ITFG2: variants seen among roughly 807,000 people sequenced by gnomAD.
ITFG2 encodes KICSTOR complex protein ITFG2.
Under a neutral mutation model 54.4 loss-of-function variants are expected in ITFG2, and 36 were observed. The observed-to-expected ratio is 0.66, with a 90% CI of 0.51 to 0.87. The LOEUF (loss-of-function observed/expected upper bound fraction) is 0.87, where lower values mean the gene tolerates loss of function less well. Ranked by LOEUF, ITFG2 falls within the 40% of genes least tolerant of loss-of-function variation. ITFG2 has a pLI of 0.00. For missense variants in ITFG2, 524 were observed against 576.7 expected, an observed-to-expected ratio of 0.91 and a Z score of 0.94; for synonymous variants, 211 against 225.4, an observed-to-expected ratio of 0.94 and a Z score of 0.57.
At chr12:2,818,629 C>A in intron 4 of ITFG2, 1 of 341,084 alleles carries the variant, frequency 2.9e-6, no homozygotes, top group South Asian at 3.0e-5. Context: ...CACCACTGCA[C>A]TCCACTCCAG....
chr12:2,856,925 G>A (rs1016216518), intron 2 of ITFG2: 3 of 702,912 alleles, frequency 4.3e-6, no homozygotes, highest in Admixed American at 2.0e-5. Context: ...GGTACAAAAA[G>A]GTAGGCGGCA....
intron 2 of ITFG2, among the ~76,000 whole-genome samples, chr12:2,853,180 G>A (rs771913141): frequency 2.0e-5 from 3 of 152,150 alleles, no homozygotes; most frequent in Non-Finnish European, 4.4e-5. Context: ...GCACCTATCA[G>A]CAACTGGCAA....
chr12:2,855,095 G>GA, intron 2 of ITFG2: 1 of 1,535,932 alleles, frequency 6.5e-7, no homozygotes, highest in Non-Finnish European at 8.7e-7. Flanking sequence ...ATCCAGGAGG[G>GA]AGGGGGGATG....
chr12:2,838,866 T>C (rs1487232748), intron 1 of ITFG2, among the ~76,000 whole-genome samples: 1 of 152,188 alleles, frequency 6.6e-6, no homozygotes, highest in Non-Finnish European at 1.5e-5. Context: ...TCTGCAGGAC[T>C]GTAGACACCA....
Position 2,815,039 on chromosome 12 carries a change from TC to T in ITFG2, c.97-2183del, listed in dbSNP as rs943941256. ...TCCAGGCTGGAGTGCAGTGACACAA[TC>T]TCGGCTCACTGCAACCTCTGCCTCC... On this transcript the variant is annotated intron_variant, in intron 1 of 11. Coordinates refer to ENST00000228799, the MANE Select transcript of ITFG2 (RefSeq NM_018463.4). 3.3e-5 allele frequency among the ~76,000 whole-genome samples: 5 copies of T among 151,802 alleles called. No homozygotes were observed. The East Asian group carries it at 9.7e-4, about 29-fold the overall frequency.
At chr12:2,856,354 A>G (rs1175290383) in intron 2 of ITFG2, among the ~76,000 whole-genome samples, 1 of 151,986 alleles carries the variant, frequency 6.6e-6, no homozygotes, top group Non-Finnish European at 1.5e-5. Context: ...TCGCCCTCCT[A>G]TCCATCCCCA....
chr12:2,828,472 G>C (rs2097981861), downstream of ITFG2: 2 of 1,299,408 alleles, frequency 1.5e-6, no homozygotes, highest in Non-Finnish European at 2.2e-6. Context: ...GTTGGAATTG[G>C]ATCCTTCAGT....
At chr12:2,843,372 A>G (rs1264347278) in intron 2 of ITFG2, among the ~76,000 whole-genome samples, 2 of 152,196 alleles carry the variant, frequency 1.3e-5, no homozygotes, top group African/African-American at 4.8e-5. Flanking sequence ...CTGCCAGGCA[A>G]GGACAACATT....
At chr12:2,855,515 C>T in intron 2 of ITFG2, 1 of 1,228,918 alleles carries the variant, frequency 8.1e-7, no homozygotes, top group East Asian at 2.7e-5. Flanking sequence ...GGGTGAGGCA[C>T]TCCGCTCTCC....
At chr12:2,817,845 C>G in intron 2 of ITFG2, 64 bp from the exon 3 acceptor site, 1 of 1,502,396 alleles carries the variant, frequency 6.7e-7, no homozygotes, top group Non-Finnish European at 9.0e-7. Flanking sequence ...CCTCCTGCTT[C>G]ACAGAGATCA....
intron 2 of ITFG2, among the ~76,000 whole-genome samples, chr12:2,844,672 C>T (rs965073587): frequency 3.3e-5 from 5 of 152,234 alleles, no homozygotes; most frequent in South Asian, 2.1e-4. Flanking sequence ...CTTTGTTTAT[C>T]TTTTTTATTT....
rs2097957910 is a variant in ITFG2, at chr12:2,824,584, G to A, written c.*391G>A. ...AGGCCCAGGGGAGCAGTGGAGGTAA[G>A]GGCTCCACCCCATCTTAAGCTCTGT... On this transcript the variant is annotated 3_prime_UTR_variant, in exon 12 of 12. Coordinates refer to ENST00000228799, the MANE Select transcript of ITFG2 (RefSeq NM_018463.4). The A allele has an allele frequency of 7.5e-6, 2 of 266,736 alleles. No homozygotes were observed. Among genetic ancestry groups the A allele is most frequent in the African/African-American group, 2.2e-5 (1 of 45,076 alleles). 16.5% of individuals were successfully genotyped at this position (266,736 alleles called of 1,614,324 possible). A position where few individuals can be genotyped will look rare whatever the true frequency, so the allele number is the denominator to read the frequency against.
At chr12:2,828,215 A>G (rs533795157), downstream of ITFG2, 4 of 1,175,428 alleles carry the variant, frequency 3.4e-6, no homozygotes, top group East Asian at 9.3e-5. Context: ...CTTTTGTTAA[A>G]TAACAGCTTT....
chr12:2,850,947 C>G (rs1015476380), intron 2 of ITFG2, among the ~76,000 whole-genome samples: 1 of 148,276 alleles, frequency 6.7e-6, no homozygotes, highest in Non-Finnish European at 1.5e-5. Flanking sequence ...GCTGAGATTA[C>G]AAGCATGAGC....
chr12:2,835,748 T>C (rs1437994548), upstream of ITFG2, among the ~76,000 whole-genome samples: 1 of 152,238 alleles, frequency 6.6e-6, no homozygotes, highest in African/African-American at 2.4e-5. Flanking sequence ...AATAAGCTGT[T>C]GAAGCTCCCT....
intron 2 of ITFG2, among the ~76,000 whole-genome samples, chr12:2,852,487 C>T (rs2098074239): frequency 6.6e-6 from 1 of 152,174 alleles, no homozygotes; most frequent in Middle Eastern, 3.2e-3. Context: ...CCACTTCAGC[C>T]TCCCATGTAG....
chr12:2,816,839 A>G (rs922893639), intron 1 of ITFG2, among the ~76,000 whole-genome samples: 1 of 149,104 alleles, frequency 6.7e-6, no homozygotes, highest in Non-Finnish European at 1.5e-5. Context: ...ACAAGGTTTC[A>G]CCATGTTGGC....
chr12:2,823,382 G>C (rs1238823938), intron 10 of ITFG2, among the ~76,000 whole-genome samples: 2 of 152,178 alleles, frequency 1.3e-5, no homozygotes, highest in Non-Finnish European at 2.9e-5. Flanking sequence ...GGGTGACTGG[G>C]GGATGCATTT....
chr12:2,858,517 A>G, intron 3 of ITFG2: 1 of 803,992 alleles, frequency 1.2e-6, no homozygotes, highest in Non-Finnish European at 1.9e-6. Context: ...ATCAGGCAGC[A>G]GGGAGCTATG....
Sources: allele counts gnomAD v4.1 joint callset (sites outside exome capture counted in the v4.1 genomes callset), GRCh38; gene constraint gnomAD v4.1.1; transcripts MANE v1.5; gene names NCBI Gene and HGNC (gene_info 2026-07-23, HGNC 2026-07-21).